TMEM178B: variants seen among roughly 807,000 people sequenced by gnomAD.
TMEM178B encodes the protein transmembrane protein 178B.
Under a neutral mutation model 31.0 loss-of-function variants are expected in TMEM178B, and 5 were observed. The observed-to-expected ratio is 0.16, with a 90% CI of 0.08 to 0.34. TMEM178B has a LOEUF of 0.34. Among genes scored for constraint, TMEM178B ranks in the 10% least tolerant of loss-of-function variants. TMEM178B has a pLI of 1.00. For missense variants in TMEM178B, 275 were observed against 400.3 expected (o/e 0.69, Z 2.67); for synonymous variants, 164 against 164.0 (o/e 1.00, Z 0.00).
chr7:141,094,751 G>A (rs911865851), intron 1 of TMEM178B, among the ~76,000 whole-genome samples: 1 of 152,134 alleles, frequency 6.6e-6, no homozygotes, highest in Non-Finnish European at 1.5e-5. Flanking sequence ...TTAGAATTTA[G>A]GGTGCTTTGG....
At chr7:141,435,181 CTCA>C (rs1801511611) in intron 2 of TMEM178B, among the ~76,000 whole-genome samples, 1 of 152,176 alleles carries the variant, frequency 6.6e-6, no homozygotes, top group East Asian at 1.9e-4. Flanking sequence ...AGACTGGATA[CTCA>C]TATGCAGAGG....
chr7:141,270,868 G>A lies in TMEM178B; in HGVS notation c.496+58164G>A, dbSNP rs555380490. ...CAGGTGTGTAAGAATGTTTCCATCAGTCAGCCTCTTTTGTCTCTCCTGTGC... is the reference window on the plus strand; with the variant it reads ...CAGGTGTGTAAGAATGTTTCCATCAATCAGCCTCTTTTGTCTCTCCTGTGC... On this transcript the variant is annotated intron_variant, in intron 2 of 3. Transcript: ENST00000565468. 5.5e-4 allele frequency among the ~76,000 whole-genome samples: 84 copies of A among 152,232 alleles called. 1 individual carries two copies. The South Asian group carries it at 0.017, about 31-fold the overall frequency.
intron 1 of TMEM178B, among the ~76,000 whole-genome samples, chr7:141,211,293 G>T (rs530560338): frequency 1.7e-4 from 26 of 152,200 alleles, no homozygotes; most frequent in Non-Finnish European, 3.2e-4. Context: ...CTTGGACAGC[G>T]TCAGTCCCAT....
chr7:141,388,196 G>C (rs777727699), intron 2 of TMEM178B, among the ~76,000 whole-genome samples: 5 of 152,182 alleles, frequency 3.3e-5, no homozygotes, highest in Admixed American at 6.5e-5. Flanking sequence ...AGGAAGCCCA[G>C]GTGTGTCTTT....
chr7:141,262,627 G>A (rs1288464866), intron 2 of TMEM178B, among the ~76,000 whole-genome samples: 1 of 151,780 alleles, frequency 6.6e-6, no homozygotes, highest in African/African-American at 2.4e-5. Context: ...AGTATCCAGG[G>A]AGACAGCTTC....
At chr7:141,083,339 T>C (rs1352183793) in intron 1 of TMEM178B, among the ~76,000 whole-genome samples, 2 of 152,216 alleles carry the variant, frequency 1.3e-5, no homozygotes, top group Non-Finnish European at 2.9e-5. Flanking sequence ...GTTTAGATTC[T>C]ATAAACTCCA....
At position 141,470,675 on chromosome 7, in the gene TMEM178B, C is replaced by T. The variant is rs764363466; in HGVS notation, c.774C>T (p.Gly258=). Residue 258 remains glycine, a synonymous_variant, in exon 4 of 4, where the codon GGC becomes GGT. Transcript: ENST00000565468. ...YGWSMFCAWG[G]LGLTLISGFF... ...GGTCCATGTTCTGTGCATGGGGGGG[C>T]CTGGGCCTCACACTCATCTCGGGAT... 50 of 1,535,662 alleles carry T rather than the reference C, an allele frequency of 3.3e-5. No individual in the cohort carries two copies. In the South Asian group the frequency reaches 5.8e-4, roughly 18 times the overall value.
At chr7:141,451,671 A>T (rs899210673) in intron 3 of TMEM178B, among the ~76,000 whole-genome samples, 1 of 152,244 alleles carries the variant, frequency 6.6e-6, no homozygotes, top group Non-Finnish European at 1.5e-5. Flanking sequence ...GGCAAGAAAG[A>T]GGAAGCTGGT....
chr7:141,505,971 G>C, the TMEM178B span, among the ~76,000 whole-genome samples: 2 of 152,322 alleles, frequency 1.3e-5, no homozygotes, highest in Middle Eastern at 3.4e-3. Context: ...ATACCCCTCT[G>C]CTGGTTCAGT....
At chr7:141,366,884 C>A (rs1343983206) in intron 2 of TMEM178B, among the ~76,000 whole-genome samples, 1 of 152,122 alleles carries the variant, frequency 6.6e-6, no homozygotes, top group African/African-American at 2.4e-5. Flanking sequence ...TGCAACTCTT[C>A]TGTGACAGTT....
At chr7:141,269,411 A>G (rs919553792) in intron 2 of TMEM178B, among the ~76,000 whole-genome samples, 10 of 152,094 alleles carry the variant, frequency 6.6e-5, no homozygotes, top group Non-Finnish European at 1.2e-4. Flanking sequence ...TCCTAATTTT[A>G]AAACAGCTTT....
chr7:141,197,408 G>T (rs1379722451), intron 1 of TMEM178B, among the ~76,000 whole-genome samples: 1 of 152,200 alleles, frequency 6.6e-6, no homozygotes, highest in African/African-American at 2.4e-5. Flanking sequence ...GAGGAAAAGA[G>T]TGAATAAGTT....
intron 2 of TMEM178B, among the ~76,000 whole-genome samples, chr7:141,315,367 A>G (rs1798982821): frequency 6.6e-6 from 1 of 152,146 alleles, no homozygotes; most frequent in Non-Finnish European, 1.5e-5. Context: ...GCCAATGTGA[A>G]TCCACACCTC....
At chr7:141,231,660 T>G (rs954438993) in intron 2 of TMEM178B, among the ~76,000 whole-genome samples, 1 of 152,226 alleles carries the variant, frequency 6.6e-6, no homozygotes, top group African/African-American at 2.4e-5. Flanking sequence ...GGTGGAGACT[T>G]GCTGCTGCTT....
rs869132131 is a variant in TMEM178B, at chr7:141,438,696, T to TAAAAAAAAAAAAAAAAAAAAA, written c.634+961_634+981dup. On this transcript the variant is annotated intron_variant, in intron 3 of 3. Coordinates refer to ENST00000565468, the MANE Select transcript of TMEM178B (RefSeq NM_001195278.2). ...CAGCTTGGTAAAACCCCGTCTCTAC[T>TAAAAAAAAAAAAAAAAAAAAA]AAAAAAAAAAAAAAAAAAAAAAAAA... is the stretch of plus-strand genomic sequence containing the variant. 1.1e-3 allele frequency among the ~76,000 whole-genome samples: 31 copies of TAAAAAAAAAAAAAAAAAAAAA among 29,004 alleles called. 6 individuals are homozygous for TAAAAAAAAAAAAAAAAAAAAA. Among genetic ancestry groups the TAAAAAAAAAAAAAAAAAAAAA allele is most frequent in the Non-Finnish European group, 1.7e-3 (22 of 12,764 alleles). 19.0% of individuals were successfully genotyped at this position (29,004 alleles called of 152,430 possible). A position where few individuals can be genotyped will look rare whatever the true frequency, so the allele number is the denominator to read the frequency against.
At chr7:141,153,051 C>T (rs1048576044) in intron 1 of TMEM178B, among the ~76,000 whole-genome samples, 4 of 152,210 alleles carry the variant, frequency 2.6e-5, no homozygotes, top group Admixed American at 6.5e-5. Flanking sequence ...AAACCAAGGC[C>T]TGAACACTTA....
chr7:141,139,089 A>G (rs1305518686), intron 1 of TMEM178B, among the ~76,000 whole-genome samples: 3 of 152,346 alleles, frequency 2.0e-5, no homozygotes, highest in Admixed American at 2.0e-4. Context: ...TCAGAGATAT[A>G]AAAAATTATG....
intron 2 of TMEM178B, among the ~76,000 whole-genome samples, chr7:141,414,003 T>G (rs1801052141): frequency 6.6e-6 from 1 of 152,146 alleles, no homozygotes; most frequent in African/African-American, 2.4e-5. Context: ...TAATTACGTA[T>G]CCAGGAGCAG....
chr7:141,285,068 A>C (rs1449275853), intron 2 of TMEM178B, among the ~76,000 whole-genome samples: 6 of 151,636 alleles, frequency 4.0e-5, no homozygotes, highest in Admixed American at 3.3e-4. Flanking sequence ...AAAAAAAAAA[A>C]AAACTACATA....
Sources: gnomAD v4.1 joint callset for allele counts (sites outside exome capture counted in the v4.1 genomes callset) on GRCh38, gnomAD v4.1.1 for gene constraint, MANE v1.5 for transcripts, NCBI Gene and HGNC (gene_info 2026-07-23, HGNC 2026-07-21) for gene names.